KDM4C: variants seen among roughly 807,000 people sequenced by gnomAD.
KDM4C encodes lysine demethylase 4C.
A neutral mutation model predicts 129.3 loss-of-function variants in KDM4C; 81 were observed. The observed-to-expected ratio is 0.63, with a 90% confidence interval of 0.52 to 0.75. The LOEUF (loss-of-function observed/expected upper bound fraction) is 0.75. Among genes scored for constraint, KDM4C ranks in the 30% least tolerant of loss-of-function variants. KDM4C has a pLI of 0.00. For missense variants in KDM4C, 1,457 were observed against 1,304.0 expected, an observed-to-expected ratio of 1.12 and a Z score of -1.81; for synonymous variants, 573 against 456.1, an observed-to-expected ratio of 1.26 and a Z score of -3.26.
intron 1 of KDM4C, among the ~76,000 whole-genome samples, chr9:6,769,040 T>G (rs1455671261): frequency 1.3e-5 from 2 of 152,192 alleles, no homozygotes; most frequent in Non-Finnish European, 2.9e-5. Flanking sequence ...CCCAAAGTGC[T>G]GGGATTACAA....
rs56086219 is a variant in KDM4C at position 6,983,573 on chromosome 9, G to GACACACACACACACACACACACAC, written c.1116-576_1116-553dup. On this transcript the variant is annotated intron_variant, in intron 9 of 21. Coordinates refer to ENST00000381309, the MANE Select transcript of KDM4C (RefSeq NM_015061.6). ...CAATATAGTGAGACAGTGTCTTTAT[G>GACACACACACACACACACACACAC]ACACACACACACACACACACACACA... is the stretch of plus-strand genomic sequence containing the variant. 2.5e-3 allele frequency among the ~76,000 whole-genome samples: 357 copies of GACACACACACACACACACACACAC among 142,718 alleles called. 2 individuals carry two copies. Among genetic ancestry groups the GACACACACACACACACACACACAC allele is most frequent in the African/African-American group, 4.1e-3 (154 of 37,432 alleles). 93.6% of individuals were successfully genotyped at this position (142,718 alleles called of 152,430 possible). A position where few individuals can be genotyped will look rare whatever the true frequency, so the allele number is the denominator to read the frequency against.
chr9:7,155,389 G>C (rs1843059543), intron 19 of KDM4C, among the ~76,000 whole-genome samples: 1 of 151,926 alleles, frequency 6.6e-6, no homozygotes, highest in Admixed American at 6.5e-5. Flanking sequence ...TTAAGTTCTA[G>C]GGTACATGTG....
intron 8 of KDM4C, among the ~76,000 whole-genome samples, chr9:6,942,022 ACT>A (rs1826037246): frequency 6.6e-6 from 1 of 151,932 alleles, no homozygotes; most frequent in African/African-American, 2.4e-5. Flanking sequence ...ATGATTTGAA[ACT>A]CTTTTAAAAA....
chr9:6,801,810 G>C lies in KDM4C; in HGVS notation c.145-3789G>C, dbSNP rs985731840. Among the ~76,000 whole-genome samples, 11 of 152,210 alleles carry C rather than the reference G, an allele frequency of 7.2e-5. No individual in the cohort carries two copies. In the East Asian group the frequency reaches 1.9e-3, roughly 27 times the overall value. On this transcript the variant is annotated intron_variant, in intron 2 of 21. Coordinates refer to ENST00000381309, the MANE Select transcript of KDM4C (RefSeq NM_015061.6). ...AGACTTGAATAAGTACTTTATAAAA[G>C]AGAGTATCAGTGAGCTGGGCGCGGT...
intron 7 of KDM4C, among the ~76,000 whole-genome samples, chr9:6,892,419 C>T (rs1033917846): frequency 6.6e-6 from 1 of 152,044 alleles, no homozygotes. Context: ...AGTCTTTAAT[C>T]TAAAAAATAG....
At chr9:6,755,026 T>G (rs973616073), upstream of KDM4C, among the ~76,000 whole-genome samples, 1 of 151,468 alleles carries the variant, frequency 6.6e-6, no homozygotes, top group African/African-American at 2.4e-5. Flanking sequence ...TCACTTGAGC[T>G]CAGGAGTTTG....
chr9:6,756,596 A>G (rs1818299705), upstream of KDM4C, among the ~76,000 whole-genome samples: 2 of 152,238 alleles, frequency 1.3e-5, no homozygotes, highest in African/African-American at 4.8e-5. Context: ...GGGCGACTGT[A>G]ATCCCAGCTA....
chr9:7,108,955 G>T (rs912802812), intron 18 of KDM4C, among the ~76,000 whole-genome samples: 2 of 152,176 alleles, frequency 1.3e-5, no homozygotes, highest in East Asian at 3.9e-4. Context: ...TTGTAAAAGG[G>T]CAGGCAGTAT....
At chr9:6,903,260 A>G (rs1050853190) in intron 8 of KDM4C, among the ~76,000 whole-genome samples, 3 of 152,230 alleles carry the variant, frequency 2.0e-5, no homozygotes, top group East Asian at 1.9e-4. Flanking sequence ...TTTTAAAAAG[A>G]TGACTGTTTT....
rs757786787 is a variant in KDM4C, at chr9:7,015,963, C to A, written c.2259+34C>A. 6.2e-6 allele frequency: 9 copies of A among 1,453,426 alleles called. No homozygotes were observed. In the East Asian group the frequency reaches 1.6e-4, roughly 26 times the overall value. The allele number at this position is 1,453,426 out of a possible 1,614,324, so 90.0% of individuals were successfully genotyped here. On this transcript the variant is annotated intron_variant, in intron 15 of 21. Coordinates refer to ENST00000381309, the MANE Select transcript of KDM4C (RefSeq NM_015061.6). ...CTTATTTTAGTATTGCTTAACCTTT[C>A]TTCCCACCCTACCCACTGTGGACAC...
At chr9:6,790,403 C>T (rs541470531) in intron 1 of KDM4C, among the ~76,000 whole-genome samples, 2 of 151,186 alleles carry the variant, frequency 1.3e-5, no homozygotes, top group Non-Finnish European at 2.9e-5. Context: ...TGCCACCACA[C>T]CTGGCTAATT....
At chr9:6,878,148 G>C (rs2130749328) in intron 5 of KDM4C, among the ~76,000 whole-genome samples, 2 of 152,244 alleles carry the variant, frequency 1.3e-5, no homozygotes, top group South Asian at 4.1e-4. Flanking sequence ...ACCACAGTAT[G>C]GCTTTCAGTT....
chr9:6,968,799 A>G (rs1422036322), intron 8 of KDM4C, among the ~76,000 whole-genome samples: 1 of 152,110 alleles, frequency 6.6e-6, no homozygotes, highest in Non-Finnish European at 1.5e-5. Flanking sequence ...ATTTTATTAA[A>G]ATTACTGTTT....
At chr9:6,985,024 A>C (rs1036017763) in intron 10 of KDM4C, among the ~76,000 whole-genome samples, 1 of 152,072 alleles carries the variant, frequency 6.6e-6, no homozygotes, top group South Asian at 2.1e-4. Flanking sequence ...TGTTCCTCTC[A>C]TACTTCTCAT....
intron 8 of KDM4C, among the ~76,000 whole-genome samples, chr9:6,977,340 A>G (rs1391320225): frequency 1.3e-5 from 2 of 152,210 alleles, no homozygotes; most frequent in Non-Finnish European, 2.9e-5. Context: ...AGGTTATAAT[A>G]TGATATGTTC....
chr9:6,877,288 C>T (rs1843705296), intron 5 of KDM4C, among the ~76,000 whole-genome samples: 3 of 152,328 alleles, frequency 2.0e-5, no homozygotes, highest in African/African-American at 4.8e-5. Context: ...GCAAGCTCCA[C>T]CTCCTGGCTT....
At chr9:6,932,625 G>A (rs1390781771) in intron 8 of KDM4C, among the ~76,000 whole-genome samples, 1 of 152,316 alleles carries the variant, frequency 6.6e-6, no homozygotes, top group East Asian at 1.9e-4. Context: ...AAGAGGTTAA[G>A]TGTCTCCCCC....
At chr9:7,019,771 T>TTATA (rs1824430827) in intron 15 of KDM4C, among the ~76,000 whole-genome samples, 1 of 125,278 alleles carries the variant, frequency 8.0e-6, no homozygotes, top group Admixed American at 8.6e-5. Flanking sequence ...AAATATAATA[T>TTATA]TTTTATATAT....
In KDM4C at chr9:7,128,215, C is replaced by T; in HGVS notation, c.2760C>T (p.Asp920=). The change falls in exon 19 of 22, where the codon GAC becomes GAT. Residue 920 remains aspartate, a synonymous_variant. Coordinates refer to ENST00000381309, the MANE Select transcript of KDM4C (RefSeq NM_015061.6). ...TTGATGATGGCTCCTTTAGCAGAGA[C>T]ACATTTCCTGAGGATATCGTGGTAA... ...VMFDDGSFSR[D]TFPEDIVSRD... is the part of the protein sequence containing the mutation. The T allele has an allele frequency of 6.2e-7, 1 of 1,601,062 alleles. No homozygotes were observed.
Sources: allele counts gnomAD v4.1 joint callset (sites outside exome capture counted in the v4.1 genomes callset), GRCh38; gene constraint gnomAD v4.1.1; transcripts MANE v1.5; gene names NCBI Gene and HGNC (gene_info 2026-07-23, HGNC 2026-07-21).